Variants in DCAF17 observed in about 807,000 individuals in gnomAD.
DCAF17 encodes DDB1- and CUL4-associated factor 17.
In DCAF17, 48 loss-of-function variants were observed where a neutral mutation model predicts 66.0. The observed-to-expected ratio is 0.73, with a 90% confidence interval of 0.58 to 0.92. The LOEUF (loss-of-function observed/expected upper bound fraction) is 0.92, where lower values mean the gene tolerates loss of function less well. Among genes scored for constraint, DCAF17 ranks in the 40% least tolerant of loss-of-function variants. The pLI, the probability that DCAF17 is intolerant of heterozygous loss-of-function variation, is 0.00. For missense variants in DCAF17, 562 were observed against 622.8 expected, an observed-to-expected ratio of 0.90 and a Z score of 1.04; for synonymous variants, 206 against 214.6, an observed-to-expected ratio of 0.96 and a Z score of 0.35.
chr2:171,434,297 G>C lies in DCAF17; in HGVS notation c.-281G>C, dbSNP rs1322171539. ...TGAGAGAGCGGCTCCGGCCGGCCGC[G>C]CGGTACCGGAGCGTCGCACTGTCAG... On this transcript the variant is annotated 5_prime_UTR_variant, in exon 1 of 14. Coordinates refer to ENST00000375255, the MANE Select transcript of DCAF17 (RefSeq NM_025000.4). 1 of 597,770 alleles carries C rather than the reference G, an allele frequency of 1.7e-6. No individual in the cohort carries two copies. Among genetic ancestry groups the C allele is most frequent in the Non-Finnish European group, 3.1e-6 (1 of 323,138 alleles). The allele number at this position is 597,770 out of a possible 1,614,324, so 37.0% of individuals were successfully genotyped here. A position where few individuals can be genotyped will look rare whatever the true frequency, so the allele number is the denominator to read the frequency against.
At chr2:171,463,777 A>G (rs1305580163) in intron 8 of DCAF17, among the ~76,000 whole-genome samples, 1 of 152,058 alleles carries the variant, frequency 6.6e-6, no homozygotes, top group Non-Finnish European at 1.5e-5. Context: ...AAACTCTGTT[A>G]CTGCTTTTAC....
rs1376658926 is a variant in DCAF17, at chr2:171,483,626, T to G, written c.*2512T>G. The G allele has an allele frequency of 2.2e-6, 1 of 454,112 alleles. No individual in the cohort carries two copies. The highest frequency in any genetic ancestry group is 6.9e-5 in the East Asian group (1 of 14,402). 28.1% of individuals were successfully genotyped at this position (454,112 alleles called of 1,614,324 possible). A position where few individuals can be genotyped will look rare whatever the true frequency, so the allele number is the denominator to read the frequency against. The stretch of plus-strand genomic sequence containing the variant: ...AGGCACTTCACATTCTTCCACCAAT[T>G]GAAAGTTTTGTATCTTACAGTTCTT... On this transcript the variant is annotated 3_prime_UTR_variant, in exon 14 of 14. Transcript: ENST00000375255.
intron 10 of DCAF17, chr2:171,474,259 G>T: frequency 2.4e-6 from 1 of 411,504 alleles, no homozygotes; most frequent in Admixed American, 3.7e-5. Flanking sequence ...TAATTCTATA[G>T]GGTTAATAAG....
chr2:171,453,545 A>G (rs1016423988), intron 6 of DCAF17, among the ~76,000 whole-genome samples: 11 of 152,154 alleles, frequency 7.2e-5, no homozygotes, highest in African/African-American at 2.7e-4. Flanking sequence ...GGAAGGTGAA[A>G]AGTTGCAACA....
At chr2:171,446,329 C>T (rs577033676) in intron 3 of DCAF17, among the ~76,000 whole-genome samples, 2 of 152,150 alleles carry the variant, frequency 1.3e-5, no homozygotes, top group Admixed American at 6.5e-5. Flanking sequence ...GGGCAGATCA[C>T]GAGATCGGGT....
chr2:171,468,761 A>G (rs1696068171), intron 8 of DCAF17, 127 bp from the exon 9 acceptor site: 2 of 1,277,972 alleles, frequency 1.6e-6, no homozygotes, highest in Admixed American at 1.8e-5. Flanking sequence ...ATTTCCTTGA[A>G]CATAGTAATT....
intron 3 of DCAF17, among the ~76,000 whole-genome samples, chr2:171,447,924 A>G (rs1357586081): frequency 3.9e-5 from 6 of 152,238 alleles, no homozygotes; most frequent in Non-Finnish European, 7.3e-5. Flanking sequence ...TTCTAGGATA[A>G]TTCACTGGTG....
At chr2:171,438,763 G>A (rs1435928832) in intron 2 of DCAF17, among the ~76,000 whole-genome samples, 1 of 151,760 alleles carries the variant, frequency 6.6e-6, no homozygotes, top group Non-Finnish European at 1.5e-5. Flanking sequence ...CAAAGTCAGG[G>A]TCTGGCTGTG....
In DCAF17 at chr2:171,453,129, C is replaced by A; in HGVS notation, c.543C>A (p.Gly181=). The change falls in exon 6 of 14, where the codon GGC becomes GGA. Residue 181 remains glycine, a synonymous_variant. Coordinates refer to ENST00000375255, the MANE Select transcript of DCAF17 (RefSeq NM_025000.4). ...ATTGTAGTCTTTCCTTCTAGGCAGG[C>A]ATTCAACAACATGTTTTGCTGTACC... ...NRGSAVARQA[G]IQQHVLLYLA... 6.2e-7 allele frequency: 1 copy of A among 1,607,276 alleles called. No individual in the cohort carries two copies.
Position 171,477,979 on chromosome 2 carries a change from T to C in DCAF17, c.1183-8T>C. Reference sequence around the variant, plus strand: ...TGTCATATCTTTTTATTTCTTTCCATATGATAGAATGAAAATGTACTCACT... The same window carrying C: ...TGTCATATCTTTTTATTTCTTTCCACATGATAGAATGAAAATGTACTCACT... On this transcript the variant is annotated splice_polypyrimidine_tract_variant and splice_region_variant and intron_variant, in intron 11 of 13. Coordinates refer to ENST00000375255, the MANE Select transcript of DCAF17 (RefSeq NM_025000.4). 1 of 1,609,714 alleles carries C rather than the reference T, an allele frequency of 6.2e-7. No individual in the cohort carries two copies. The highest frequency in any genetic ancestry group is 8.5e-7 in the Non-Finnish European group (1 of 1,176,092).
At chr2:171,435,266 C>A in intron 2 of DCAF17, 80 bp downstream of exon 2, 1 of 1,044,020 alleles carries the variant, frequency 9.6e-7, no homozygotes. Context: ...CACATGCCTA[C>A]ATTAGTGCCT....
chr2:171,460,864 G>A (rs879744206), intron 8 of DCAF17, among the ~76,000 whole-genome samples: 1 of 151,804 alleles, frequency 6.6e-6, no homozygotes, highest in Non-Finnish European at 1.5e-5. Context: ...TAACCTCTCT[G>A]GGCCTCAAAT....
rs1297658496 is a variant in DCAF17, at chr2:171,483,008, T to G, written c.*1894T>G. ...CTATGCCCCAACTAAAAGGAGCAGC[T>G]GCTACTGCTTAGTTTCAGCCAGTTG... On this transcript the variant is annotated 3_prime_UTR_variant, in exon 14 of 14. Transcript: ENST00000375255. The G allele has an allele frequency of 6.6e-6, 3 of 454,162 alleles. No individual in the cohort carries two copies. Among genetic ancestry groups the G allele is most frequent in the Non-Finnish European group, 1.3e-5 (3 of 226,786 alleles). 28.1% of individuals were successfully genotyped at this position (454,162 alleles called of 1,614,324 possible).
intron 2 of DCAF17, among the ~76,000 whole-genome samples, chr2:171,437,675 C>G (rs1464682473): frequency 1.3e-5 from 2 of 152,206 alleles, no homozygotes; most frequent in African/African-American, 2.4e-5. Context: ...AGGAATTCAT[C>G]TAAGTTATCC....
In DCAF17 at chr2:171,475,410, C is replaced by G. The variant is rs114513165; in HGVS notation, c.1091+1435C>G. On this transcript the variant is annotated intron_variant, in intron 10 of 13. Coordinates refer to ENST00000375255, the MANE Select transcript of DCAF17 (RefSeq NM_025000.4). ...AGGGAAAGAGTCTGTTTTGCTGACACCTATAACCCCAGCACTAAGCATAGT... is the reference window on the plus strand; with the variant it reads ...AGGGAAAGAGTCTGTTTTGCTGACAGCTATAACCCCAGCACTAAGCATAGT... 3.3e-5 allele frequency among the ~76,000 whole-genome samples: 5 copies of G among 152,048 alleles called. No homozygotes were observed. In the East Asian group the frequency reaches 9.7e-4, roughly 29 times the overall value.
intron 2 of DCAF17, among the ~76,000 whole-genome samples, chr2:171,436,915 C>T (rs1375039312): frequency 2.6e-5 from 4 of 151,988 alleles, no homozygotes; most frequent in Non-Finnish European, 5.9e-5. Context: ...GCTGGGACTA[C>T]AGGCATGCGC....
At chr2:171,473,426 G>A (rs1037842406) in intron 9 of DCAF17, among the ~76,000 whole-genome samples, 9 of 152,080 alleles carry the variant, frequency 5.9e-5, no homozygotes, top group East Asian at 1.9e-4. Flanking sequence ...GCAACATAGC[G>A]AGACTCTATC....
rs181080251 is a variant in DCAF17, at chr2:171,485,013, T to C, written c.*3899T>C. Reference sequence around the variant, plus strand: ...CACTGGGCTCTTTCTGCTTGTTTTTTACTGTTATGAATAAAGCTGCTATGA... The same window carrying C: ...CACTGGGCTCTTTCTGCTTGTTTTTCACTGTTATGAATAAAGCTGCTATGA... On this transcript the variant is annotated 3_prime_UTR_variant, in exon 14 of 14. Coordinates refer to ENST00000375255, the MANE Select transcript of DCAF17 (RefSeq NM_025000.4). 7 of 454,054 alleles carry C rather than the reference T, an allele frequency of 1.5e-5. No homozygotes were observed. Among genetic ancestry groups the C allele is most frequent in the African/African-American group, 1.2e-4 (6 of 50,122 alleles). 28.1% of individuals were successfully genotyped at this position (454,054 alleles called of 1,614,324 possible).
In DCAF17 at chr2:171,435,121, C is replaced by T. The variant is rs1693774328; in HGVS notation, c.165C>T (p.Ser55=). 3 of 1,613,116 alleles carry T rather than the reference C, an allele frequency of 1.9e-6. No homozygotes were observed. In the African/African-American group the frequency reaches 4.0e-5, roughly 22 times the overall value. ...TKFKNVWTTH[S]RSPIAYERGR... ...TTAAGAATGTCTGGACAACTCATTC[C>T]AGGTCACCTATAGCCTATGAGAGAG... is the stretch of plus-strand genomic sequence containing the variant. The change falls in exon 2 of 14, where the codon TCC becomes TCT. Residue 55 remains serine, a synonymous_variant. Coordinates refer to ENST00000375255, the MANE Select transcript of DCAF17 (RefSeq NM_025000.4).
Sources: gnomAD v4.1 joint callset for allele counts (sites outside exome capture counted in the v4.1 genomes callset) on GRCh38, gnomAD v4.1.1 for gene constraint, MANE v1.5 for transcripts, NCBI Gene and HGNC (gene_info 2026-07-23, HGNC 2026-07-21) for gene names.